ERBB4: variants seen among roughly 807,000 people sequenced by gnomAD.
ERBB4 encodes erb-b2 receptor tyrosine kinase 4, also known as receptor tyrosine-protein kinase erbB-4.
A neutral mutation model predicts 158.0 loss-of-function variants in ERBB4; 42 were observed. That is an observed-to-expected ratio of 0.27 (90% confidence interval 0.21 to 0.34). The LOEUF (loss-of-function observed/expected upper bound fraction) is 0.34, where lower values mean the gene tolerates loss of function less well. Among genes scored for constraint, ERBB4 ranks in the 10% least tolerant of loss-of-function variants. The pLI is 1.00. For missense variants in ERBB4, 1,333 were observed against 1,624.1 expected (o/e 0.82, Z 3.08); for synonymous variants, 583 against 558.7 (o/e 1.04, Z -0.61).
intron 2 of ERBB4, among the ~76,000 whole-genome samples, chr2:212,072,680 C>G (rs1173454759): frequency 1.3e-5 from 2 of 151,948 alleles, no homozygotes; most frequent in Non-Finnish European, 2.9e-5. Flanking sequence ...AATGAACTCC[C>G]ACTGATACTC....
chr2:211,652,100 C>T (rs1574927272), intron 16 of ERBB4, among the ~76,000 whole-genome samples: 2 of 152,120 alleles, frequency 1.3e-5, no homozygotes, highest in Admixed American at 1.3e-4. Flanking sequence ...ACTTTTGCAA[C>T]TTTGTGACGC....
chr2:211,786,817 C>G (rs2076175583), intron 4 of ERBB4, among the ~76,000 whole-genome samples: 1 of 152,190 alleles, frequency 6.6e-6, no homozygotes, highest in Non-Finnish European at 1.5e-5. Context: ...CATGGGCAGA[C>G]TGAAAACAGA....
At chr2:212,364,322 AT>A (rs1043577893) in intron 1 of ERBB4, among the ~76,000 whole-genome samples, 2 of 151,486 alleles carry the variant, frequency 1.3e-5, no homozygotes, top group African/African-American at 4.8e-5. Flanking sequence ...TAGAACCTGA[AT>A]TTTTTTCTTT....
intron 2 of ERBB4, among the ~76,000 whole-genome samples, chr2:212,026,140 G>A (rs976313618): frequency 1.3e-5 from 2 of 151,250 alleles, no homozygotes; most frequent in African/African-American, 4.9e-5. Flanking sequence ...TGAGGTCACG[G>A]GAATTTTTTT....
chr2:212,103,940 GA>G (rs910097259), intron 2 of ERBB4, among the ~76,000 whole-genome samples: 2 of 152,012 alleles, frequency 1.3e-5, no homozygotes, highest in African/African-American at 4.8e-5. Context: ...AACAGAACTG[GA>G]TAATTTGTTT....
At chr2:212,442,577 G>A (rs1184227002) in intron 1 of ERBB4, among the ~76,000 whole-genome samples, 1 of 152,166 alleles carries the variant, frequency 6.6e-6, no homozygotes, top group Non-Finnish European at 1.5e-5. Context: ...GTCTTATGGA[G>A]GTCAGGTAAT....
intron 1 of ERBB4, among the ~76,000 whole-genome samples, chr2:212,375,376 G>A (rs750326387): frequency 1.3e-5 from 2 of 152,078 alleles, no homozygotes; most frequent in African/African-American, 4.8e-5. Flanking sequence ...ATCTAATGAA[G>A]AACAGTTACT....
intron 2 of ERBB4, among the ~76,000 whole-genome samples, chr2:212,112,093 T>C (rs2079428417): frequency 6.6e-6 from 1 of 152,136 alleles, no homozygotes. Context: ...GGTACAATCA[T>C]AGCTCCTTAC....
At position 211,766,217 on chromosome 2, in the gene ERBB4, A is replaced by C. The variant is rs572804710; in HGVS notation, c.557-15513T>G. ...CATAATGTGTTCTTGCTGAGCAGGA[A>C]AGAATTAAATAAAAGTTGCATACAG... On this transcript the variant is annotated intron_variant, in intron 4 of 27. Transcript: ENST00000342788. Among the ~76,000 whole-genome samples the C allele has an allele frequency of 5.6e-4, 85 of 152,332 alleles. 1 individual carries two copies. The highest frequency in any genetic ancestry group is 1.4e-3 in the Admixed American group (21 of 15,300).
chr2:212,050,073 T>C (rs2125393206), intron 2 of ERBB4, among the ~76,000 whole-genome samples: 1 of 152,184 alleles, frequency 6.6e-6, no homozygotes, highest in South Asian at 2.1e-4. Flanking sequence ...ATGGGGAGAA[T>C]CTTGACAAAA....
rs907591613 is a variant in ERBB4 at position 211,502,246 on chromosome 2, C to T, written c.2487+59657G>A. Among the ~76,000 whole-genome samples, 3 of 152,212 alleles carry T rather than the reference C, an allele frequency of 2.0e-5. No individual in the cohort carries two copies. In the East Asian group the frequency reaches 5.8e-4, roughly 29 times the overall value. ...GTTTGCATGTGCTCATAACATACTT[C>T]TATGGCTTCTAACAAACAAATTTGG... is the stretch of plus-strand genomic sequence containing the variant. On this transcript the variant is annotated intron_variant, in intron 20 of 27. Coordinates refer to ENST00000342788, the MANE Select transcript of ERBB4 (RefSeq NM_005235.3).
At chr2:211,710,601 C>T (rs190162240) in intron 9 of ERBB4, among the ~76,000 whole-genome samples, 1 of 152,164 alleles carries the variant, frequency 6.6e-6, no homozygotes, top group Admixed American at 6.5e-5. Context: ...TGGCTATGTC[C>T]TCATCAAAAT....
At chr2:211,543,665 T>C (rs1412799261) in intron 20 of ERBB4, among the ~76,000 whole-genome samples, 1 of 151,952 alleles carries the variant, frequency 6.6e-6, no homozygotes, top group Admixed American at 6.6e-5. Flanking sequence ...GCTGAAATTC[T>C]GTATTTTGTA....
chr2:212,428,948 G>C (rs2091969696), intron 1 of ERBB4, among the ~76,000 whole-genome samples: 1 of 152,116 alleles, frequency 6.6e-6, no homozygotes, highest in African/African-American at 2.4e-5. Context: ...GTATCAGTCA[G>C]ATTCCCAGCA....
At chr2:211,938,192 A>T (rs1269672961) in intron 3 of ERBB4, among the ~76,000 whole-genome samples, 1 of 152,166 alleles carries the variant, frequency 6.6e-6, no homozygotes, top group Non-Finnish European at 1.5e-5. Flanking sequence ...TTATTTCCAG[A>T]ACTGCATTTA....
chr2:212,526,010 A>C (rs1692426634), intron 1 of ERBB4, among the ~76,000 whole-genome samples: 1 of 152,078 alleles, frequency 6.6e-6, no homozygotes, highest in Non-Finnish European at 1.5e-5. Context: ...ATCTGGAACA[A>C]TTGAAATATT....
Position 211,435,261 on chromosome 2 carries a change from C to T in ERBB4, c.2488-4161G>A, listed in dbSNP as rs150691893. Among the ~76,000 whole-genome samples, 414 of 152,280 alleles carry T rather than the reference C, an allele frequency of 2.7e-3. 3 individuals carry two copies. Among genetic ancestry groups the T allele is most frequent in the African/African-American group, 9.1e-3 (380 of 41,550 alleles). On this transcript the variant is annotated intron_variant, in intron 20 of 27. Coordinates refer to ENST00000342788, the MANE Select transcript of ERBB4 (RefSeq NM_005235.3). ...TGTGCTCTAGCAGTTCCCGTATCCA[C>T]GTCAGGCCAGCTTGAGTAAATTAGG...
intron 1 of ERBB4, among the ~76,000 whole-genome samples, chr2:212,420,724 A>G (rs1409837611): frequency 6.6e-6 from 1 of 152,170 alleles, no homozygotes; most frequent in Non-Finnish European, 1.5e-5. Context: ...CTCAGGCGTT[A>G]TAAAGAATTT....
chr2:211,987,330 C>CAAAAAAAAAA lies in ERBB4; in HGVS notation c.235-39724_235-39715dup, dbSNP rs564412801. On this transcript the variant is annotated intron_variant, in intron 2 of 27. Coordinates refer to ENST00000342788, the MANE Select transcript of ERBB4 (RefSeq NM_005235.3). ...AGGGAGACTCCATCTCAAGAAAAGA[C>CAAAAAAAAAA]AAAAAAAAAAAAAAGAAAGAAATCT... Among the ~76,000 whole-genome samples the CAAAAAAAAAA allele has an allele frequency of 5.3e-4, 30 of 56,112 alleles. 1 individual carries two copies. The highest frequency in any genetic ancestry group is 2.4e-3 in the East Asian group (6 of 2,542). 36.8% of individuals were successfully genotyped at this position (56,112 alleles called of 152,430 possible). A position where few individuals can be genotyped will look rare whatever the true frequency, so the allele number is the denominator to read the frequency against.
Sources: allele counts gnomAD v4.1 joint callset (sites outside exome capture counted in the v4.1 genomes callset), GRCh38; gene constraint gnomAD v4.1.1; transcripts MANE v1.5; gene names NCBI Gene and HGNC (gene_info 2026-07-23, HGNC 2026-07-21).